The following RHOXF1 variants were observed in gnomAD, a reference collection of about 807,000 sequenced individuals.
RHOXF1 encodes the protein Rhox homeobox family member 1, also known as PEPP subfamily gene 1.
Under a neutral mutation model 9.7 loss-of-function variants are expected in RHOXF1, and 1 was observed. The observed-to-expected ratio is 0.10, with a 90% CI of 0.04 to 0.49. The LOEUF (loss-of-function observed/expected upper bound fraction) is 0.49. Among genes scored for constraint, RHOXF1 ranks in the 20% least tolerant of loss-of-function variants. The pLI is 0.95. For missense variants in RHOXF1, 179 were observed against 168.0 expected (o/e 1.07, Z -0.36); for synonymous variants, 72 against 70.2 (o/e 1.03, Z -0.13).
upstream of RHOXF1, chrX:120,115,916 G>T: frequency 9.3e-7 from 1 of 1,075,698 alleles, no homozygotes; most frequent in Non-Finnish European, 1.2e-6. Context: ...GCTGGAGTGG[G>T]GGTTAGAGGG....
At chrX:120,120,087 G>A (rs369606970), upstream of RHOXF1, among the ~76,000 whole-genome samples, 11 of 112,144 alleles carry the variant, frequency 9.8e-5, no homozygotes, top group Admixed American at 5.7e-4. Context: ...CAGTGCTCAG[G>A]ATATTAACAT....
upstream of RHOXF1, among the ~76,000 whole-genome samples, chrX:120,120,273 T>G (rs1423447493): frequency 8.9e-6 from 1 of 111,935 alleles, no homozygotes; most frequent in African/African-American, 3.3e-5. Context: ...GGTGGAAACT[T>G]GCCCAGGCCC....
At chrX:120,112,786 G>T in intron 2 of RHOXF1, 83 bp downstream of exon 2, 1 of 645,870 alleles carries the variant, frequency 1.5e-6, no homozygotes, top group Non-Finnish European at 2.5e-6. Context: ...GAACGTTCAG[G>T]ACAAAGCCTT....
intron 1 of RHOXF1, 36 bp downstream of exon 1, chrX:120,115,429 T>G (rs782588443): frequency 2.7e-5 from 28 of 1,053,765 alleles, no homozygotes; most frequent in Non-Finnish European, 3.4e-5. Flanking sequence ...CGAAACGAAC[T>G]TGGAGATCTC....
At chrX:120,119,215 T>C (rs1556001009), upstream of RHOXF1, among the ~76,000 whole-genome samples, 1 of 112,037 alleles carries the variant, frequency 8.9e-6, no homozygotes, top group East Asian at 2.8e-4. Context: ...AAAACACCTC[T>C]ATGAATTAGG....
At chrX:120,111,047 T>C (rs1245201353) in intron 2 of RHOXF1, among the ~76,000 whole-genome samples, 2 of 112,310 alleles carry the variant, frequency 1.8e-5, no homozygotes, top group Non-Finnish European at 3.8e-5. Flanking sequence ...GCAAAAGCTA[T>C]GGGGAAACTA....
chrX:120,112,819 C>G (rs1556000027), intron 2 of RHOXF1, 50 bp downstream of exon 2: 1 of 908,498 alleles, frequency 1.1e-6, no homozygotes, highest in Non-Finnish European at 1.6e-6. Context: ...TGCCCTGAAG[C>G]AGGTTTTAGA....
chrX:120,109,246 G>A lies in RHOXF1; in HGVS notation c.501C>T (p.Leu167=), dbSNP rs143142811. 213 of 1,198,731 alleles carry A rather than the reference G, an allele frequency of 1.8e-4. No homozygotes were observed. The highest frequency in any genetic ancestry group is 1.5e-3 in the African/African-American group (85 of 56,991). The change falls in exon 3 of 3, where the codon CTC becomes CTT. Residue 167 remains leucine, a synonymous_variant. Coordinates refer to ENST00000217999, the MANE Select transcript of RHOXF1 (RefSeq NM_139282.3). ...RCRRHQRELM[L]ANELRADPDD... is the part of the protein sequence containing the mutation. Reference sequence around the variant, plus strand: ...CTGGGTCAGCACGTAGTTCATTGGCGAGCATTAATTCTCTCTGATGTCGCC... The same window carrying A: ...CTGGGTCAGCACGTAGTTCATTGGCAAGCATTAATTCTCTCTGATGTCGCC...
chrX:120,120,432 A>G (rs2057311936), upstream of RHOXF1: 1 of 112,026 alleles, frequency 8.9e-6, no homozygotes, highest in South Asian at 3.7e-4. Context: ...TGGATGCACT[A>G]AGCACTGGGC....
At chrX:120,120,009 GA>G (rs1244383841), upstream of RHOXF1, among the ~76,000 whole-genome samples, 1 of 110,625 alleles carries the variant, frequency 9.0e-6, no homozygotes, top group Non-Finnish European at 1.9e-5. Context: ...AGTTGCAAAG[GA>G]AAAAATACGG....
At chrX:120,114,957 G>A (rs1467089250) in intron 1 of RHOXF1, among the ~76,000 whole-genome samples, 1 of 112,138 alleles carries the variant, frequency 8.9e-6, no homozygotes, top group African/African-American at 3.2e-5. Context: ...AGTGAAATAA[G>A]TCAGTGACAA....
intron 2 of RHOXF1, among the ~76,000 whole-genome samples, chrX:120,112,445 TAATACAC>T (rs2057270749): frequency 1.4e-5 from 1 of 71,537 alleles, no homozygotes; most frequent in East Asian, 5.0e-4. Context: ...ATATTATATA[TAATACAC>T]ATATGTATAA....
At chrX:120,111,370 T>G (rs2057264287) in intron 2 of RHOXF1, among the ~76,000 whole-genome samples, 1 of 111,870 alleles carries the variant, frequency 8.9e-6, no homozygotes, top group Non-Finnish European at 1.9e-5. Flanking sequence ...GTTAGTTTGC[T>G]TTTTTGGACA....
chrX:120,120,044 C>T (rs374883114), upstream of RHOXF1, among the ~76,000 whole-genome samples: 186 of 111,366 alleles, frequency 1.7e-3, no homozygotes, highest in African/African-American at 5.2e-3. Context: ...TAGTATGTTA[C>T]CAAGCATAGG....
chrX:120,113,752 G>T (rs189562224), intron 1 of RHOXF1, among the ~76,000 whole-genome samples: 1,104 of 108,574 alleles, frequency 0.01, 12 homozygotes, highest in African/African-American at 0.035. Context: ...GAGCCACCGT[G>T]CCTGGCCCTA....
chrX:120,118,189 C>T (rs113977245), upstream of RHOXF1, among the ~76,000 whole-genome samples: 1,301 of 111,637 alleles, frequency 0.012, 19 homozygotes, highest in African/African-American at 0.039. Flanking sequence ...GGGGAGAGGG[C>T]GATGAAGTGC....
At position 120,109,406 on chromosome X, in the gene RHOXF1, G is replaced by T. The variant is rs1451721563; in HGVS notation, c.445-104C>A. On this transcript the variant is annotated intron_variant, in intron 2 of 2. Coordinates refer to ENST00000217999, the MANE Select transcript of RHOXF1 (RefSeq NM_139282.3). ...TTATATGCTATTGAGATTTTAAACT[G>T]CATCAGGAAAAGCTATTTCCTCATT... 3.7e-5 allele frequency: 17 copies of T among 462,960 alleles called. No individual in the cohort carries two copies. In the East Asian group the frequency reaches 6.1e-4, roughly 17 times the overall value. The allele number at this position is 462,960 out of a possible 1,213,427, so 38.2% of individuals were successfully genotyped here.
At chrX:120,113,574 C>G (rs781870950) in intron 1 of RHOXF1, among the ~76,000 whole-genome samples, 1 of 109,612 alleles carries the variant, frequency 9.1e-6, no homozygotes, top group South Asian at 4.1e-4. Flanking sequence ...CTGCCTCAGC[C>G]TTCCAAGTGG....
intron 1 of RHOXF1, 73 bp downstream of exon 1, chrX:120,115,392 T>G: frequency 6.6e-6 from 6 of 902,271 alleles, no homozygotes; most frequent in Non-Finnish European, 8.7e-6. Context: ...CATGATTGGG[T>G]GGGGCAAGGG....
Sources: gnomAD v4.1 joint callset for allele counts (sites outside exome capture counted in the v4.1 genomes callset) on GRCh38, gnomAD v4.1.1 for gene constraint, MANE v1.5 for transcripts, NCBI Gene and HGNC (gene_info 2026-07-23, HGNC 2026-07-21) for gene names.